LRRC4C: variants seen among roughly 807,000 people sequenced by gnomAD.
LRRC4C encodes the protein leucine-rich repeat-containing protein 4C.
LRRC4C carries 5 observed loss-of-function variants against 33.6 expected under a neutral mutation model. The ratio of observed to expected loss-of-function variants is 0.15; its 90% CI spans 0.08 to 0.31. The LOEUF (loss-of-function observed/expected upper bound fraction) is 0.31, where lower values mean the gene tolerates loss of function less well. LRRC4C is among the 10% of genes least tolerant of loss of function. LRRC4C has a pLI of 1.00. For synonymous variants in LRRC4C, 329 were observed against 302.0 expected (o/e 1.09, Z -0.93); for missense variants, 560 against 796.7 (o/e 0.70, Z 3.58).
chr11:40,998,201 T>C (rs1854116315), intron 1 of LRRC4C, among the ~76,000 whole-genome samples: 1 of 151,946 alleles, frequency 6.6e-6, no homozygotes, highest in African/African-American at 2.4e-5. Flanking sequence ...AACAAATATG[T>C]ATATATTTTT....
intron 2 of LRRC4C, among the ~76,000 whole-genome samples, chr11:40,674,279 G>T (rs928727635): frequency 6.6e-6 from 1 of 152,128 alleles, no homozygotes; most frequent in Non-Finnish European, 1.5e-5. Flanking sequence ...AGAGCACTGG[G>T]GTTGGCATTT....
At chr11:40,409,616 T>C (rs1950083008) in intron 3 of LRRC4C, among the ~76,000 whole-genome samples, 1 of 151,740 alleles carries the variant, frequency 6.6e-6, no homozygotes, top group Admixed American at 6.6e-5. Context: ...AAACGACCAA[T>C]AGGTATGTAT....
chr11:40,115,824 T>C lies in LRRC4C; in HGVS notation c.469A>G (p.Asn157Asp). The change falls in exon 7 of 7, where the codon AAC becomes GAC. Residue 157 changes from asparagine to aspartate, a missense_variant. Coordinates refer to ENST00000528697, the MANE Select transcript of LRRC4C (RefSeq NM_001258419.2). This position sits in a 1 kb window ranked among gnomAD's most constrained non-coding sequence, Gnocchi z 6.7. ...LSKLKELWLRNNPIESIPSYA... is the reference protein window; with the variant it reads ...LSKLKELWLRDNPIESIPSYA... ...GAAGGGATGCTTTCAATGGGGTTGT[T>C]TCGCAACCAGAGCTCCTTCAGTTTA... 1 of 1,614,198 alleles carries C rather than the reference T, an allele frequency of 6.2e-7. No individual in the cohort carries two copies. Among genetic ancestry groups the C allele is most frequent in the Non-Finnish European group, 8.5e-7 (1 of 1,180,040 alleles).
chr11:40,617,598 T>C (rs1961990339), intron 3 of LRRC4C, among the ~76,000 whole-genome samples: 1 of 151,728 alleles, frequency 6.6e-6, no homozygotes, highest in African/African-American at 2.4e-5. Flanking sequence ...GTTTCTGCCA[T>C]TCCTATGCTC....
chr11:41,117,145 A>G lies in LRRC4C; in HGVS notation c.-495-183422T>C, dbSNP rs565511948. Among the ~76,000 whole-genome samples, 10 of 151,990 alleles carry G rather than the reference A, an allele frequency of 6.6e-5. No individual in the cohort carries two copies. In the South Asian group the frequency reaches 1.9e-3, roughly 28 times the overall value. On this transcript the variant is annotated intron_variant, in intron 1 of 6. Coordinates refer to ENST00000528697, the MANE Select transcript of LRRC4C (RefSeq NM_001258419.2). The stretch of plus-strand genomic sequence containing the variant: ...CGTTACTTTAGCTGAAAACAAGCCA[A>G]CTCCCCAAAGCAAAGTCATCTACCC...
intron 1 of LRRC4C, among the ~76,000 whole-genome samples, chr11:41,393,364 A>G (rs1337808096): frequency 1.3e-5 from 2 of 151,972 alleles, no homozygotes; most frequent in African/African-American, 2.4e-5. Context: ...TGCTCTGAAC[A>G]TTGCTATGAA....
chr11:41,103,634 A>G (rs1941330177), intron 1 of LRRC4C, among the ~76,000 whole-genome samples: 1 of 151,974 alleles, frequency 6.6e-6, no homozygotes, highest in Admixed American at 6.6e-5. Flanking sequence ...TCCATTGCCC[A>G]AGGGATAGGC....
chr11:40,290,302 A>G (rs1314449384), intron 4 of LRRC4C, among the ~76,000 whole-genome samples: 1 of 152,208 alleles, frequency 6.6e-6, no homozygotes. Flanking sequence ...AACGAATGCA[A>G]AAAAAGTGCA....
At chr11:40,978,955 T>G (rs1258856205) in intron 1 of LRRC4C, among the ~76,000 whole-genome samples, 4 of 152,062 alleles carry the variant, frequency 2.6e-5, no homozygotes, top group Non-Finnish European at 5.9e-5. Context: ...TTGATTTCAG[T>G]TATTCTCAGC....
At chr11:40,800,478 G>C (rs535378302) in intron 2 of LRRC4C, among the ~76,000 whole-genome samples, 1 of 152,124 alleles carries the variant, frequency 6.6e-6, no homozygotes, top group African/African-American at 2.4e-5. Flanking sequence ...GCCCTTTTCC[G>C]AAGTTACCTT....
intron 1 of LRRC4C, among the ~76,000 whole-genome samples, chr11:40,978,327 AG>A (rs1198274014): frequency 6.6e-6 from 1 of 152,202 alleles, no homozygotes; most frequent in African/African-American, 2.4e-5. Context: ...GTACTGGCAA[AG>A]CCAACTAGCA....
intron 6 of LRRC4C, among the ~76,000 whole-genome samples, chr11:40,134,682 G>T (rs535797497): frequency 6.6e-6 from 1 of 152,282 alleles, no homozygotes; most frequent in South Asian, 2.1e-4. Context: ...AATATAAGCT[G>T]AAGTAACATT....
intron 2 of LRRC4C, among the ~76,000 whole-genome samples, chr11:40,910,714 C>T (rs1431128526): frequency 6.6e-6 from 1 of 152,152 alleles, no homozygotes; most frequent in Non-Finnish European, 1.5e-5. Flanking sequence ...ACAGTGGGTG[C>T]AGTGCACCGA....
chr11:40,317,976 A>G (rs1005677968), intron 4 of LRRC4C, among the ~76,000 whole-genome samples: 2 of 152,124 alleles, frequency 1.3e-5, no homozygotes, highest in African/African-American at 4.8e-5. Flanking sequence ...CATACATTTA[A>G]GCTTACATAT....
chr11:40,822,590 G>A (rs868500627), intron 2 of LRRC4C, among the ~76,000 whole-genome samples: 1 of 151,528 alleles, frequency 6.6e-6, no homozygotes, highest in African/African-American at 2.4e-5. Flanking sequence ...GTGTCAGTTG[G>A]AAAGTTTGCA....
At chr11:40,196,388 G>T (rs769613421) in intron 5 of LRRC4C, among the ~76,000 whole-genome samples, 2 of 152,336 alleles carry the variant, frequency 1.3e-5, no homozygotes, top group African/African-American at 4.8e-5. Flanking sequence ...TTCTGGACTA[G>T]GGAAGGAAGT....
intron 1 of LRRC4C, among the ~76,000 whole-genome samples, chr11:40,949,234 A>G (rs1157966842): frequency 6.6e-6 from 1 of 151,986 alleles, no homozygotes. Context: ...TTTCTTGTAA[A>G]TTTGTTGGAG....
chr11:40,743,143 C>T (rs895886217), intron 2 of LRRC4C, among the ~76,000 whole-genome samples: 3 of 151,916 alleles, frequency 2.0e-5, no homozygotes, highest in Non-Finnish European at 4.4e-5. Flanking sequence ...TAGGAATATT[C>T]CCTGGTATTC....
At chr11:41,035,665 T>C (rs1857021848) in intron 1 of LRRC4C, among the ~76,000 whole-genome samples, 1 of 152,108 alleles carries the variant, frequency 6.6e-6, no homozygotes, top group Admixed American at 6.6e-5. Flanking sequence ...AGACCAATTA[T>C]CAAAATAATT....
Sources: gnomAD v4.1 joint callset for allele counts (sites outside exome capture counted in the v4.1 genomes callset) on GRCh38, gnomAD v4.1.1 for gene constraint, Gnocchi (gnomAD v3.1) non-coding constraint, MANE v1.5 for transcripts, NCBI Gene and HGNC (gene_info 2026-07-23, HGNC 2026-07-21) for gene names.